The following SIPA1L1 variants were observed in gnomAD, a reference collection of about 807,000 sequenced individuals.
SIPA1L1 encodes signal induced proliferation associated 1 like 1, also known as signal-induced proliferation-associated 1-like protein 1.
SIPA1L1 carries 26 observed loss-of-function variants against 162.7 expected under a neutral mutation model. The ratio of observed to expected loss-of-function variants is 0.16; its 90% confidence interval spans 0.12 to 0.22. The LOEUF is 0.22. Ranked by LOEUF, SIPA1L1 falls within the 10% of genes least tolerant of loss-of-function variation. The pLI is 1.00. For missense variants in SIPA1L1, 1,874 were observed against 2,241.0 expected, an observed-to-expected ratio of 0.84 and a Z score of 3.31; for synonymous variants, 829 against 837.4, an observed-to-expected ratio of 0.99 and a Z score of 0.17.
At chr14:71,461,791 G>T (rs1040500853) in intron 2 of SIPA1L1, among the ~76,000 whole-genome samples, 5 of 152,172 alleles carry the variant, frequency 3.3e-5, no homozygotes, top group African/African-American at 4.8e-5. Context: ...CCTAGAAAAG[G>T]GCTGTAGTGC....
At chr14:71,674,755 G>A (rs936072632) in intron 12 of SIPA1L1, among the ~76,000 whole-genome samples, 4 of 151,404 alleles carry the variant, frequency 2.6e-5, no homozygotes, top group Non-Finnish European at 4.4e-5. Context: ...TAGTAGAGAC[G>A]GGGTTTCACC....
chr14:71,399,702 C>T (rs575468780), intron 2 of SIPA1L1, among the ~76,000 whole-genome samples: 16 of 151,910 alleles, frequency 1.1e-4, no homozygotes, highest in Non-Finnish European at 2.4e-4. Context: ...GTATAAACCA[C>T]CACACCTTTT....
rs901790031 is a variant in SIPA1L1 at position 71,591,312 on chromosome 14, T to G, written c.1498+1942T>G. On this transcript the variant is annotated intron_variant, in intron 5 of 23. Transcript: ENST00000381232. ...ATTTTCCAGTTGAGAAAACTGGAGC[T>G]TAAGTGATAAGACTCTCATGGAGCT... 2.5e-4 allele frequency among the ~76,000 whole-genome samples: 11 copies of G among 43,824 alleles called. No homozygotes were observed. The East Asian group carries it at 0.018, about 71-fold the overall frequency. 28.8% of individuals were successfully genotyped at this position (43,824 alleles called of 152,430 possible).
intron 2 of SIPA1L1, among the ~76,000 whole-genome samples, chr14:71,443,724 C>A (rs2045110576): frequency 6.6e-6 from 1 of 152,160 alleles, no homozygotes; most frequent in Non-Finnish European, 1.5e-5. Context: ...TTTTAAAACC[C>A]AGACTTACAG....
At chr14:71,453,996 CAAAAAAAAAAAAAAAAAAAA>C (rs751420064) in intron 2 of SIPA1L1, among the ~76,000 whole-genome samples, 1 of 76,556 alleles carries the variant, frequency 1.3e-5, no homozygotes, top group African/African-American at 6.3e-5. Context: ...GAGATTGTTT[CAAAAAAAAAAAAAAAAAAAA>C]AAAAAAAAAG....
At chr14:71,359,826 TCAATGGAA>T (rs2037627114) in intron 2 of SIPA1L1, among the ~76,000 whole-genome samples, 1 of 152,222 alleles carries the variant, frequency 6.6e-6, no homozygotes, top group African/African-American at 2.4e-5. Context: ...GCAGATATTA[TCAATGGAA>T]CTGGTTCTTT....
At chr14:71,489,385 T>A (rs1362338947) in intron 2 of SIPA1L1, among the ~76,000 whole-genome samples, 4 of 152,188 alleles carry the variant, frequency 2.6e-5, no homozygotes, top group African/African-American at 7.2e-5. Flanking sequence ...TCCAGGAAAT[T>A]CGTGAGAAGA....
intron 2 of SIPA1L1, among the ~76,000 whole-genome samples, chr14:71,450,741 C>CA (rs1428483571): frequency 1.3e-5 from 2 of 151,840 alleles, no homozygotes; most frequent in South Asian, 4.2e-4. Context: ...TAAAAAAAGA[C>CA]AAAAAATATA....
chr14:71,506,816 C>G (rs1038342681), intron 2 of SIPA1L1, among the ~76,000 whole-genome samples: 4 of 139,384 alleles, frequency 2.9e-5, no homozygotes, highest in African/African-American at 1.0e-4. Context: ...ATTTTGTAAT[C>G]TTTTTTTTTT....
rs1243462975 is a variant in SIPA1L1 at position 71,672,496 on chromosome 14, G to A, written c.2978G>A (p.Arg993His). The change falls in exon 12 of 24, where the codon CGC becomes CAC. Residue 993 changes from arginine (R) to histidine (H), a missense_variant. Physicochemically the swap from Arg to His is conservative, Grantham distance 29 (BLOSUM62 0). Around this residue, in one of 5 missense-constraint regions of SIPA1L1, gnomAD observed 936 missense variants for 1,051.9 expected, o/e 0.89. Coordinates refer to ENST00000381232, the MANE Select transcript of SIPA1L1 (RefSeq NM_001386936.1). ...AWQAGLRQGS[R>H]LVEICKVAVA... The stretch of plus-strand genomic sequence containing the variant: ...CAGGCAGGGCTGAGGCAGGGCAGTC[G>A]CCTGGTGGAGATCTGCAAGGTGGCG... 7 of 1,614,196 alleles carry A rather than the reference G, an allele frequency of 4.3e-6. No individual in the cohort carries two copies. Among genetic ancestry groups the A allele is most frequent in the Non-Finnish European group, 3.4e-6 (4 of 1,180,022 alleles).
At chr14:71,615,131 C>G (rs2038685770) in intron 5 of SIPA1L1, among the ~76,000 whole-genome samples, 1 of 151,996 alleles carries the variant, frequency 6.6e-6, no homozygotes, top group Non-Finnish European at 1.5e-5. Context: ...TCGGATGAGA[C>G]CTAAAAATTA....
chr14:71,445,606 A>C lies in SIPA1L1; in HGVS notation c.-464-67137A>C, dbSNP rs144872614. Among the ~76,000 whole-genome samples the C allele has an allele frequency of 3.3e-5, 5 of 152,312 alleles. No homozygotes were observed. In the East Asian group the frequency reaches 9.7e-4, roughly 29 times the overall value. On this transcript the variant is annotated intron_variant, in intron 2 of 23. Coordinates refer to ENST00000381232, the MANE Select transcript of SIPA1L1 (RefSeq NM_001386936.1). ...AAGTGCATATGTACTATATGGAGTC[A>C]TGCATTTGATATTAATATTACACAA...
At chr14:71,683,605 C>G (rs2046003708) in intron 12 of SIPA1L1, among the ~76,000 whole-genome samples, 1 of 152,298 alleles carries the variant, frequency 6.6e-6, no homozygotes, top group Middle Eastern at 3.4e-3. Flanking sequence ...TGTATTACCT[C>G]TATGAACAAC....
At chr14:71,388,724 G>T (rs1409501101) in intron 2 of SIPA1L1, among the ~76,000 whole-genome samples, 1 of 152,216 alleles carries the variant, frequency 6.6e-6, no homozygotes, top group Non-Finnish European at 1.5e-5. Context: ...TCTGAAAGTG[G>T]TTGTCAGCCC....
At position 71,359,162 on chromosome 14, in the gene SIPA1L1, G is replaced by T. The variant is rs867319687; in HGVS notation, c.-465+37981G>T. On this transcript the variant is annotated intron_variant, in intron 2 of 23. Coordinates refer to ENST00000381232, the MANE Select transcript of SIPA1L1 (RefSeq NM_001386936.1). ...GGGAGGTAACTGAATCATTGGGGCA[G>T]GTTTTTCCTGTGCTGTTCTCATGAT... 3.7e-4 allele frequency among the ~76,000 whole-genome samples: 56 copies of T among 152,276 alleles called. 1 individual carries two copies. Among genetic ancestry groups the T allele is most frequent in the African/African-American group, 1.3e-3 (52 of 41,560 alleles).
intron 12 of SIPA1L1, among the ~76,000 whole-genome samples, chr14:71,683,982 T>A (rs1196818524): frequency 2.0e-5 from 3 of 152,204 alleles, no homozygotes; most frequent in Non-Finnish European, 4.4e-5. Flanking sequence ...TCTTAGGTTG[T>A]CATCCAGAAA....
intron 22 of SIPA1L1, among the ~76,000 whole-genome samples, 188 bp from the exon 23 acceptor site, chr14:71,738,053 C>CT (rs1241762428): frequency 6.6e-6 from 1 of 151,036 alleles, no homozygotes; most frequent in Non-Finnish European, 1.5e-5. Flanking sequence ...CTTTTATTAC[C>CT]TTTTTTTAAG....
chr14:71,506,781 C>G (rs748992683), intron 2 of SIPA1L1, among the ~76,000 whole-genome samples: 2 of 150,564 alleles, frequency 1.3e-5, no homozygotes, highest in Non-Finnish European at 3.0e-5. Context: ...TGAATTCTCT[C>G]CATATTATTA....
rs1429919499 is a variant in SIPA1L1, at chr14:71,374,108, C to G, written c.-465+52927C>G. On this transcript the variant is annotated intron_variant, in intron 2 of 23. Coordinates refer to ENST00000381232, the MANE Select transcript of SIPA1L1 (RefSeq NM_001386936.1). ...ACAGCCAAAGAACTGAAATAGAATG[C>G]CTGTGATCATGTTTAGAAGATCCCA... Among the ~76,000 whole-genome samples the G allele has an allele frequency of 1.3e-5, 2 of 152,048 alleles. 1 individual carries two copies. Among genetic ancestry groups the G allele is most frequent in the East Asian group, 3.8e-4 (2 of 5,196 alleles).
Sources: allele counts gnomAD v4.1 joint callset (sites outside exome capture counted in the v4.1 genomes callset), GRCh38; gene constraint gnomAD v4.1.1; regional missense constraint gnomAD v4.1.1; transcripts MANE v1.5; gene names NCBI Gene and HGNC (gene_info 2026-07-23, HGNC 2026-07-21).